Variants in PCDH15 observed in about 807,000 individuals in gnomAD.
PCDH15 encodes protocadherin-15.
PCDH15 carries 129 observed loss-of-function variants against 178.5 expected under a neutral mutation model. That is an observed-to-expected ratio of 0.72 (90% CI 0.63 to 0.84). The LOEUF is 0.84. Among genes scored for constraint, PCDH15 ranks in the 40% least tolerant of loss-of-function variants. The probability of loss-of-function intolerance (pLI) is 0.00; values close to 1 mark genes in which losing one functional copy is unlikely to be tolerated. For missense variants in PCDH15, 2,230 were observed against 2,099.9 expected, an observed-to-expected ratio of 1.06 and a Z score of -1.21; for synonymous variants, 800 against 732.0, an observed-to-expected ratio of 1.09 and a Z score of -1.50.
intron 8 of PCDH15, among the ~76,000 whole-genome samples, chr10:54,279,087 A>G (rs1258261705): frequency 6.6e-6 from 1 of 151,622 alleles, no homozygotes; most frequent in African/African-American, 2.4e-5. Context: ...AAGTAATATT[A>G]CTGGATGGCA....
At chr10:55,611,663 A>C (rs1843368058) in intron 2 of PCDH15, among the ~76,000 whole-genome samples, 1 of 152,104 alleles carries the variant, frequency 6.6e-6, no homozygotes, top group Admixed American at 6.6e-5. Flanking sequence ...GTGTATACTC[A>C]AATGAGTTAA....
At chr10:54,118,816 G>C (rs11004083) in intron 15 of PCDH15, among the ~76,000 whole-genome samples, 8,890 of 150,834 alleles carry the variant, frequency 0.059, 405 homozygotes, top group African/African-American at 0.12. Context: ...AGACTTTGGT[G>C]CGCCTCAGCC....
intron 15 of PCDH15, among the ~76,000 whole-genome samples, chr10:54,111,864 C>T (rs946882074): frequency 2.6e-5 from 4 of 151,622 alleles, no homozygotes; most frequent in African/African-American, 4.9e-5. Context: ...TGGTGGCTCA[C>T]GCCTGTAGTC....
intron 2 of PCDH15, among the ~76,000 whole-genome samples, chr10:54,530,690 T>C (rs965202075): frequency 2.6e-5 from 4 of 152,242 alleles, no homozygotes; most frequent in East Asian, 3.9e-4. Context: ...TACAGTACCC[T>C]TAGATAATTC....
At chr10:54,442,426 A>T (rs1165411122) in intron 3 of PCDH15, among the ~76,000 whole-genome samples, 8 of 99,748 alleles carry the variant, frequency 8.0e-5, no homozygotes, top group African/African-American at 3.7e-4. Context: ...ATATATATAT[A>T]TATATATATA....
At chr10:54,514,901 T>C (rs2082056606) in intron 3 of PCDH15, among the ~76,000 whole-genome samples, 1 of 152,204 alleles carries the variant, frequency 6.6e-6, no homozygotes, top group Non-Finnish European at 1.5e-5. Flanking sequence ...TAGTGTTCCA[T>C]AAAACTTACT....
rs201967404 is a variant in PCDH15 at position 54,273,935 on chromosome 10, T to C, written c.877-37004A>G. Among the ~76,000 whole-genome samples, 37 of 152,162 alleles carry C rather than the reference T, an allele frequency of 2.4e-4. No homozygotes were observed. The South Asian group carries it at 5.6e-3, about 23-fold the overall frequency. Reference sequence around the variant, plus strand: ...ATAAAGAAAATATGGTATATAAACATCATGGCATACTATGCAGCTATAAAA... The same window carrying C: ...ATAAAGAAAATATGGTATATAAACACCATGGCATACTATGCAGCTATAAAA... On this transcript the variant is annotated intron_variant, in intron 8 of 37. Transcript: ENST00000644397.
At chr10:54,557,060 A>C (rs568256896) in intron 2 of PCDH15, among the ~76,000 whole-genome samples, 1 of 152,204 alleles carries the variant, frequency 6.6e-6, no homozygotes, top group South Asian at 2.1e-4. Context: ...GTTATCCATA[A>C]ATTTTTCATA....
intron 9 of PCDH15, among the ~76,000 whole-genome samples, chr10:54,224,695 T>C (rs2053239756): frequency 6.6e-6 from 1 of 152,142 alleles, no homozygotes; most frequent in African/African-American, 2.4e-5. Flanking sequence ...TATCAAGTTA[T>C]CCCTAGGTTC....
intron 2 of PCDH15, among the ~76,000 whole-genome samples, chr10:54,577,245 G>C (rs935196885): frequency 1.3e-5 from 1 of 75,772 alleles, no homozygotes; most frequent in Non-Finnish European, 2.7e-5. Flanking sequence ...ACCACGCCCA[G>C]CTAATTTTTT....
At position 55,545,582 on chromosome 10, in the gene PCDH15, T is replaced by C. The variant is rs908286558; in HGVS notation, c.-156+82043A>G. ...CACGCTGCCACACCTGGCTAATTTT[T>C]GTATTTTTAGTAGAGACAGGGTTTC... On this transcript the variant is annotated intron_variant, in intron 2 of 5. Coordinates refer to the PCDH15 transcript ENST00000613346. 2.0e-5 allele frequency among the ~76,000 whole-genome samples: 3 copies of C among 149,842 alleles called. No homozygotes were observed. In the South Asian group the frequency reaches 6.3e-4, roughly 31 times the overall value.
At chr10:54,767,588 C>T (rs925258338) in intron 1 of PCDH15, among the ~76,000 whole-genome samples, 6 of 152,054 alleles carry the variant, frequency 3.9e-5, no homozygotes, top group African/African-American at 1.5e-4. Context: ...CCGACAAGTC[C>T]TATTTCATCC....
chr10:54,554,975 T>A (rs191065178), intron 2 of PCDH15, among the ~76,000 whole-genome samples: 108 of 152,268 alleles, frequency 7.1e-4, no homozygotes, highest in African/African-American at 2.1e-3. Flanking sequence ...TAGATAACTG[T>A]AAGCAGAAAG....
intron 1 of PCDH15, among the ~76,000 whole-genome samples, chr10:55,253,230 G>A (rs955900209): frequency 1.0e-4 from 11 of 109,082 alleles, no homozygotes; most frequent in East Asian, 6.8e-4. Flanking sequence ...GAGTATGTGC[G>A]TGTGTGTGTG....
intron 23 of PCDH15, among the ~76,000 whole-genome samples, chr10:53,954,815 A>T (rs565271399): frequency 5.9e-5 from 9 of 152,326 alleles, no homozygotes; most frequent in Non-Finnish European, 1.2e-4. Context: ...TTCTCTTGAT[A>T]TTTTAAGAAC....
intron 2 of PCDH15, among the ~76,000 whole-genome samples, chr10:54,635,207 T>C (rs1318804623): frequency 3.8e-5 from 5 of 131,094 alleles, no homozygotes; most frequent in Non-Finnish European, 8.7e-5. Flanking sequence ...TATTCATTCC[T>C]GGACTTGCTT....
chr10:55,022,235 T>C (rs939681727), intron 2 of PCDH15, among the ~76,000 whole-genome samples: 2 of 152,020 alleles, frequency 1.3e-5, no homozygotes, highest in Non-Finnish European at 2.9e-5. Context: ...GCCGGATCAC[T>C]TGAGATCAGG....
chr10:55,405,217 T>G (rs2132029022), intron 2 of PCDH15, among the ~76,000 whole-genome samples: 1 of 149,226 alleles, frequency 6.7e-6, no homozygotes, highest in Non-Finnish European at 1.5e-5. Flanking sequence ...TGAATATAAA[T>G]ATATCTATGC....
At chr10:54,322,865 T>C (rs2061698255) in intron 7 of PCDH15, among the ~76,000 whole-genome samples, 1 of 150,676 alleles carries the variant, frequency 6.6e-6, no homozygotes, top group African/African-American at 2.5e-5. Flanking sequence ...AACTGACAAG[T>C]AGCACCTAAA....
Sources: allele counts gnomAD v4.1 joint callset (sites outside exome capture counted in the v4.1 genomes callset), GRCh38; gene constraint gnomAD v4.1.1; transcripts MANE v1.5; gene names NCBI Gene and HGNC (gene_info 2026-07-23, HGNC 2026-07-21).